PRKCG: variants seen among roughly 807,000 people sequenced by gnomAD.
The protein encoded by PRKCG is protein kinase C gamma.
In PRKCG, 28 loss-of-function variants were observed where a neutral mutation model predicts 82.0. That is an observed-to-expected ratio of 0.34 (90% CI 0.25 to 0.47). PRKCG has a LOEUF of 0.47. Ranked by LOEUF, PRKCG falls within the 20% of genes least tolerant of loss-of-function variation. The pLI is 1.00. For synonymous variants in PRKCG, 383 were observed against 376.6 expected, an observed-to-expected ratio of 1.02 and a Z score of -0.20; for missense variants, 640 against 952.7, an observed-to-expected ratio of 0.67 and a Z score of 4.32.
At chr19:53,897,357 C>G (rs28394110) in intron 9 of PRKCG, among the ~76,000 whole-genome samples, 1 of 152,134 alleles carries the variant, frequency 6.6e-6, no homozygotes, top group Non-Finnish European at 1.5e-5. Flanking sequence ...CCTGGGGGGC[C>G]GAGGCAGGAA....
chr19:53,902,803 A>C (rs896609222), intron 14 of PRKCG, among the ~76,000 whole-genome samples: 6 of 148,688 alleles, frequency 4.0e-5, no homozygotes, highest in African/African-American at 1.5e-4. Flanking sequence ...CTGAGGTAGA[A>C]GAATTACCTG....
At chr19:53,898,788 G>GGGGGTCCTTGGGGGGC (rs2068738003) in intron 11 of PRKCG, among the ~76,000 whole-genome samples, 160 bp downstream of exon 11, 2 of 132,656 alleles carry the variant, frequency 1.5e-5, no homozygotes, top group Admixed American at 7.3e-5. Context: ...TGGCCGGGGG[G>GGGGGTCCTTGGGGGGC]GGGTCCTTGG....
chr19:53,898,688 C>A (rs916116638), intron 11 of PRKCG, 60 bp downstream of exon 11: 390 of 1,431,506 alleles, frequency 2.7e-4, no homozygotes, highest in Non-Finnish European at 3.5e-4. Flanking sequence ...TTCTGGACAT[C>A]TGCGTTGGGA....
chr19:53,891,896 C>T, intron 6 of PRKCG, 66 bp downstream of exon 6: 1 of 1,605,926 alleles, frequency 6.2e-7, no homozygotes, highest in South Asian at 1.1e-5. Flanking sequence ...CCTAGTGGCC[C>T]CCAGAGAGCA....
chr19:53,900,773 G>A lies in PRKCG; in HGVS notation c.1575+24G>A, dbSNP rs761157574. The A allele has an allele frequency of 1.7e-5, 27 of 1,614,016 alleles. No homozygotes were observed. Among genetic ancestry groups the A allele is most frequent in the Non-Finnish European group, 2.3e-5 (27 of 1,180,044 alleles). Reference sequence around the variant, plus strand: ...AGGTAACCCCAACCCTGCTGCTCTGGTCACGCTTTGAGATCCCTTAGAGGG... The same window carrying A: ...AGGTAACCCCAACCCTGCTGCTCTGATCACGCTTTGAGATCCCTTAGAGGG... On this transcript the variant is annotated intron_variant, in intron 14 of 17. Transcript: ENST00000263431. This position sits in a 1 kb window ranked among gnomAD's most constrained non-coding sequence, Gnocchi z 4.2.
At chr19:53,881,986 G>A (rs2122971334), upstream of PRKCG, 1 of 225,182 alleles carries the variant, frequency 4.4e-6, no homozygotes, top group South Asian at 4.5e-5. Flanking sequence ...GGGGAGGAAC[G>A]CGGGGCAGGA....
rs10418087 is a variant in PRKCG, at chr19:53,891,562, A to G, written c.530-112A>G. ...CTCCCAAAGTGCTGGGATTACAGGCATGAGCCGCCGTGCCTGGCCAAGCTT... is the reference window on the plus strand; with the variant it reads ...CTCCCAAAGTGCTGGGATTACAGGCGTGAGCCGCCGTGCCTGGCCAAGCTT... On this transcript the variant is annotated intron_variant, in intron 5 of 17. Coordinates refer to ENST00000263431, the MANE Select transcript of PRKCG (RefSeq NM_002739.5). 1,989 of 1,380,576 alleles carry G rather than the reference A, an allele frequency of 1.4e-3. 10 individuals carry two copies. Among genetic ancestry groups the G allele is most frequent in the African/African-American group, 0.012 (823 of 70,056 alleles). 85.5% of individuals were successfully genotyped at this position (1,380,576 alleles called of 1,614,324 possible).
At chr19:53,903,275 T>A (rs2068778671) in intron 15 of PRKCG, 122 bp downstream of exon 15, 5 of 813,032 alleles carry the variant, frequency 6.1e-6, no homozygotes, top group East Asian at 2.4e-5. Context: ...TGTCCATGGT[T>A]CTGAAGTGTT....
chr19:53,906,072 C>CTTCTTCTTCTT (rs2068804789), intron 16 of PRKCG, among the ~76,000 whole-genome samples: 2 of 52,286 alleles, frequency 3.8e-5, no homozygotes, highest in Non-Finnish European at 6.4e-5. Context: ...TCCTCCTCCT[C>CTTCTTCTTCTT]CTCCTCCTCC....
chr19:53,893,879 G>A (rs933619436), intron 9 of PRKCG, among the ~76,000 whole-genome samples: 8 of 151,832 alleles, frequency 5.3e-5, no homozygotes, highest in African/African-American at 1.9e-4. Context: ...TCAGCCTCCT[G>A]AGTAGCTGGG....
Position 53,892,167 on chromosome 19 carries a change from G to C in PRKCG, c.686+337G>C, listed in dbSNP as rs2068681338. ...GAGGGGAGAAGATGGGGGATGGCAG[G>C]GAGACAGAGATCAGTTGACAGGAAG... On this transcript the variant is annotated intron_variant, in intron 6 of 17. Transcript: ENST00000263431. The surrounding 1 kb of genome is among the most constrained non-coding windows in gnomAD (Gnocchi z 5.9). 6.6e-6 allele frequency among the ~76,000 whole-genome samples: 1 copy of C among 152,120 alleles called. No individual in the cohort carries two copies. Among genetic ancestry groups the C allele is most frequent in the Non-Finnish European group, 1.5e-5 (1 of 68,016 alleles).
chr19:53,898,188 G>C lies in PRKCG; in HGVS notation c.1092+77G>C, dbSNP rs1009580311. 3.2e-6 allele frequency: 5 copies of C among 1,567,570 alleles called. No homozygotes were observed. The African/African-American group carries it at 4.1e-5, about 13-fold the overall frequency. On this transcript the variant is annotated intron_variant, in intron 10 of 17. Coordinates refer to ENST00000263431, the MANE Select transcript of PRKCG (RefSeq NM_002739.5). ...GATTTCTGGTTCTTAGGGAGGAAGT[G>C]GGGGTGGGAAGAGACTGGGCTCCTG...
At chr19:53,890,344 C>T (rs2068664692) in intron 5 of PRKCG, among the ~76,000 whole-genome samples, 2 of 152,040 alleles carry the variant, frequency 1.3e-5, no homozygotes, top group Non-Finnish European at 2.9e-5. Flanking sequence ...GCAACTTCCG[C>T]CTCCCGGGTT....
rs1237004473 is a variant in PRKCG, at chr19:53,883,919, G to T, written c.203-242G>T. Among the ~76,000 whole-genome samples the T allele has an allele frequency of 6.6e-6, 1 of 151,982 alleles. No individual in the cohort carries two copies. The highest frequency in any genetic ancestry group is 1.5e-5 in the Non-Finnish European group (1 of 68,016). On this transcript the variant is annotated intron_variant, in intron 2 of 17. Coordinates refer to ENST00000263431, the MANE Select transcript of PRKCG (RefSeq NM_002739.5). The surrounding 1 kb of genome is among the most constrained non-coding windows in gnomAD (Gnocchi z 5.4). ...CCCTTCCCTGAGCTCTGTGCTCTGT[G>T]TCTCTCTGTAAGTCTCTGCGTCTCT...
Position 53,892,782 on chromosome 19 carries a change from GCA to G in PRKCG, c.821+147_821+148del, listed in dbSNP as rs909869422. ...CACACACACACACACACACACACAC[GCA>G]CACACACGCACACACCCCTCTCTCT... On this transcript the variant is annotated intron_variant, in intron 7 of 17. Transcript: ENST00000263431. The surrounding 1 kb of genome is among the most constrained non-coding windows in gnomAD (Gnocchi z 5.9). 3.7e-5 allele frequency: 29 copies of G among 785,700 alleles called. No individual in the cohort carries two copies. Among genetic ancestry groups the G allele is most frequent in the South Asian group, 5.3e-5 (3 of 57,010 alleles). The allele number at this position is 785,700 out of a possible 1,614,324, so 48.7% of individuals were successfully genotyped here.
Position 53,883,038 on chromosome 19 carries a change from G to T in PRKCG, c.171-125G>T. Reference sequence around the variant, plus strand: ...TTCTGGGTTCTAGAAAGAGGAGGTGGCCGGGGCTTGGACACCTGGGCCCTG... The same window carrying T: ...TTCTGGGTTCTAGAAAGAGGAGGTGTCCGGGGCTTGGACACCTGGGCCCTG... On this transcript the variant is annotated intron_variant, in intron 1 of 17. Coordinates refer to ENST00000263431, the MANE Select transcript of PRKCG (RefSeq NM_002739.5). This position sits in a 1 kb window ranked among gnomAD's most constrained non-coding sequence, Gnocchi z 5.4. 1 of 1,260,910 alleles carries T rather than the reference G, an allele frequency of 7.9e-7. No individual in the cohort carries two copies. The highest frequency in any genetic ancestry group is 1.2e-6 in the Non-Finnish European group (1 of 864,560). The allele number at this position is 1,260,910 out of a possible 1,614,324, so 78.1% of individuals were successfully genotyped here.
At chr19:53,903,700 G>C (rs1397702554) in intron 15 of PRKCG, among the ~76,000 whole-genome samples, 1 of 152,156 alleles carries the variant, frequency 6.6e-6, no homozygotes, top group East Asian at 1.9e-4. Flanking sequence ...CTATGAGTAT[G>C]CCACTGTGTT....
chr19:53,893,133 T>C (rs2068692421), intron 8 of PRKCG, 58 bp downstream of exon 8: 1 of 1,526,570 alleles, frequency 6.6e-7, no homozygotes, highest in South Asian at 1.1e-5. Flanking sequence ...GGTTCAGAGC[T>C]GGCCTTTCCT....
chr19:53,899,192 T>G (rs2068743939), intron 11 of PRKCG, among the ~76,000 whole-genome samples: 1 of 147,442 alleles, frequency 6.8e-6, no homozygotes. Flanking sequence ...GCCAGGTGAA[T>G]GGGTCCTGCG....
Sources: allele counts gnomAD v4.1 joint callset (sites outside exome capture counted in the v4.1 genomes callset), GRCh38; gene constraint gnomAD v4.1.1; non-coding constraint Gnocchi (gnomAD v3.1); transcripts MANE v1.5; gene names NCBI Gene and HGNC (gene_info 2026-07-23, HGNC 2026-07-21).